The following DISC1 variants were observed in gnomAD, a reference collection of about 807,000 sequenced individuals.
DISC1 encodes disrupted in schizophrenia 1 protein.
Under a neutral mutation model 84.5 loss-of-function variants are expected in DISC1, and 57 were observed. That is an observed-to-expected ratio of 0.67 (90% CI 0.55 to 0.84). The LOEUF is 0.84. Ranked by LOEUF, DISC1 falls within the 40% of genes least tolerant of loss-of-function variation. DISC1 has a pLI of 0.00. For missense variants in DISC1, 1,000 were observed against 1,057.8 expected (o/e 0.95, Z 0.76); for synonymous variants, 411 against 415.2 (o/e 0.99, Z 0.12).
intron 10 of DISC1, among the ~76,000 whole-genome samples, chr1:231,968,520 A>G (rs1661411432): frequency 6.9e-6 from 1 of 145,516 alleles, no homozygotes; most frequent in African/African-American, 2.5e-5. Context: ...TGAACCCGGG[A>G]GGCGGAGCTT....
At chr1:231,840,726 G>A (rs886343102) in intron 9 of DISC1, among the ~76,000 whole-genome samples, 6 of 147,302 alleles carry the variant, frequency 4.1e-5, no homozygotes, top group Non-Finnish European at 9.0e-5. Flanking sequence ...GTTGTTTTTT[G>A]AGACGGAGTC....
intron 9 of DISC1, among the ~76,000 whole-genome samples, chr1:231,856,218 T>C (rs929348898): frequency 6.6e-6 from 1 of 152,156 alleles, no homozygotes. Flanking sequence ...TGGAACATAA[T>C]GAATCCTGTG....
At chr1:231,821,714 CTTTT>C (rs200487656) in intron 9 of DISC1, among the ~76,000 whole-genome samples, 3 of 137,238 alleles carry the variant, frequency 2.2e-5, no homozygotes, top group African/African-American at 5.4e-5. Context: ...GCTACATCTG[CTTTT>C]TTTTTTTTTT....
intron 9 of DISC1, among the ~76,000 whole-genome samples, chr1:231,957,985 AAAC>A (rs534293130): frequency 5.5e-4 from 84 of 152,334 alleles, no homozygotes; most frequent in African/African-American, 1.9e-3. Flanking sequence ...GTTGTAATAA[AAAC>A]AATGATAAAA....
intron 1 of DISC1, chr1:231,684,898 G>A (rs1036128852): frequency 2.0e-5 from 3 of 152,218 alleles, no homozygotes; most frequent in African/African-American, 7.2e-5. Context: ...TGGAACTCCT[G>A]GTGGCCTGCA....
At chr1:231,862,150 A>G (rs1376977750) in intron 9 of DISC1, among the ~76,000 whole-genome samples, 1 of 152,254 alleles carries the variant, frequency 6.6e-6, no homozygotes, top group Non-Finnish European at 1.5e-5. Context: ...AAGCTTTATC[A>G]TCGTTTTATT....
At chr1:231,774,746 A>G (rs1316656078) in intron 6 of DISC1, 1 of 455,982 alleles carries the variant, frequency 2.2e-6, no homozygotes, top group Non-Finnish European at 4.4e-6. Flanking sequence ...TTCCAAGCTG[A>G]TGGGCTGCAG....
chr1:232,001,509 T>C (rs1166556696), intron 10 of DISC1, among the ~76,000 whole-genome samples: 2 of 152,186 alleles, frequency 1.3e-5, no homozygotes, highest in African/African-American at 4.8e-5. Flanking sequence ...GAGCAATTAT[T>C]ATGCAAAATA....
intron 4 of DISC1, among the ~76,000 whole-genome samples, chr1:231,762,880 T>C (rs2075877050): frequency 6.6e-6 from 1 of 152,132 alleles, no homozygotes; most frequent in Non-Finnish European, 1.5e-5. Context: ...AGGGAAAACA[T>C]TTTTGTTATC....
rs540082231 is a variant in DISC1 at position 231,903,000 on chromosome 1, CTCT to C, written c.1982-55818_1982-55816del. 4.7e-4 allele frequency among the ~76,000 whole-genome samples: 72 copies of C among 152,046 alleles called. 1 individual carries two copies. In the South Asian group the frequency reaches 5.8e-3, roughly 12 times the overall value. On this transcript the variant is annotated intron_variant, in intron 9 of 12. Coordinates refer to ENST00000439617, the MANE Select transcript of DISC1 (RefSeq NM_018662.3). The stretch of plus-strand genomic sequence containing the variant: ...CCTGTGTATCACTGTGTCTTTGTAT[CTCT>C]TCTTCTTCTCCTTCTCCTCTCTCTT...
chr1:231,631,898 G>A (rs1213501955), intron 1 of DISC1, among the ~76,000 whole-genome samples: 3 of 151,932 alleles, frequency 2.0e-5, no homozygotes, highest in Non-Finnish European at 2.9e-5. Context: ...CAACCCTCAC[G>A]TGCACTCACC....
intron 9 of DISC1, among the ~76,000 whole-genome samples, chr1:231,861,074 T>G (rs2084612638): frequency 1.3e-5 from 2 of 152,216 alleles, no homozygotes; most frequent in African/African-American, 4.8e-5. Context: ...TTTTGTTCTG[T>G]TCCTGTGAAT....
intron 8 of DISC1, among the ~76,000 whole-genome samples, chr1:231,816,964 C>T (rs1051998076): frequency 6.6e-6 from 1 of 151,902 alleles, no homozygotes; most frequent in Non-Finnish European, 1.5e-5. Flanking sequence ...CCTCCTTCTT[C>T]TTCTTTCTCC....
Position 231,837,061 on chromosome 1 carries a change from T to C in DISC1, c.1981+18544T>C, listed in dbSNP as rs148485567. ...AAGAAGACTGAAGACTATAAATAAA[T>C]GCTCTCTTTAGTATTGAGAAGGTTT... On this transcript the variant is annotated intron_variant, in intron 9 of 12. Transcript: ENST00000439617. Among the ~76,000 whole-genome samples the C allele has an allele frequency of 7.1e-3, 1,082 of 151,984 alleles. 7 individuals are homozygous for C. The highest frequency in any genetic ancestry group is 0.054 in the Middle Eastern group (16 of 294).
chr1:231,712,701 C>G (rs979741682), intron 3 of DISC1, among the ~76,000 whole-genome samples: 1 of 152,190 alleles, frequency 6.6e-6, no homozygotes, highest in African/African-American at 2.4e-5. Flanking sequence ...TCTAACCTGT[C>G]TGGGGGCTAC....
At chr1:231,907,892 T>C (rs1364596909) in intron 9 of DISC1, among the ~76,000 whole-genome samples, 1 of 152,266 alleles carries the variant, frequency 6.6e-6, no homozygotes, top group Non-Finnish European at 1.5e-5. Flanking sequence ...TGGTATCTCA[T>C]TGCGGTTTTG....
At chr1:231,961,260 C>A (rs570693853) in intron 10 of DISC1, among the ~76,000 whole-genome samples, 1 of 152,296 alleles carries the variant, frequency 6.6e-6, no homozygotes, top group African/African-American at 2.4e-5. Context: ...TGTTCAGATT[C>A]CCCAGCTTCT....
chr1:231,865,655 C>T (rs2085002282), intron 9 of DISC1, among the ~76,000 whole-genome samples: 1 of 152,202 alleles, frequency 6.6e-6, no homozygotes, highest in Non-Finnish European at 1.5e-5. Flanking sequence ...CTTTCTGTCT[C>T]TGAATTTGAC....
At chr1:231,920,575 G>T (rs979764817) in intron 9 of DISC1, among the ~76,000 whole-genome samples, 3 of 152,144 alleles carry the variant, frequency 2.0e-5, no homozygotes, top group African/African-American at 7.2e-5. Context: ...AGGTTTGTCT[G>T]TGTTGCAGCG....
Sources: gnomAD v4.1 joint callset for allele counts (sites outside exome capture counted in the v4.1 genomes callset) on GRCh38, gnomAD v4.1.1 for gene constraint, MANE v1.5 for transcripts, NCBI Gene and HGNC (gene_info 2026-07-23, HGNC 2026-07-21) for gene names.